The following TMC3 variants were observed in gnomAD, a reference collection of about 807,000 sequenced individuals.
TMC3 encodes transmembrane channel like 3.
Under a neutral mutation model 110.6 loss-of-function variants are expected in TMC3, and 98 were observed. That is an observed-to-expected ratio of 0.89 (90% CI 0.75 to 1.05). TMC3 has a LOEUF of 1.05. Among genes scored for constraint, TMC3 ranks in the 50% least tolerant of loss-of-function variants. The pLI, the probability that TMC3 is intolerant of heterozygous loss-of-function variation, is 0.00. For missense variants in TMC3, 1,319 were observed against 1,373.2 expected (o/e 0.96, Z 0.62); for synonymous variants, 489 against 513.1 (o/e 0.95, Z 0.63).
chr15:81,352,956 AT>A (rs199622682), intron 9 of TMC3, among the ~76,000 whole-genome samples: 23,881 of 151,984 alleles, frequency 0.16, 3,595 homozygotes, highest in African/African-American at 0.4. Flanking sequence ...AGTAGCTGGG[AT>A]TTACAGGCAT....
intron 2 of TMC3, among the ~76,000 whole-genome samples, chr15:81,371,619 A>G (rs528712624): frequency 1.4e-4 from 21 of 152,368 alleles, no homozygotes; most frequent in African/African-American, 5.0e-4. Context: ...CCCAGGCATC[A>G]GAATCACTAT....
intron 7 of TMC3, 110 bp from the exon 8 acceptor site, chr15:81,356,704 G>T (rs1020442896): frequency 6.4e-5 from 78 of 1,225,592 alleles, no homozygotes; most frequent in Middle Eastern, 4.8e-4. Flanking sequence ...CCTCTGGGTG[G>T]ACGCAGCTCC....
intron 3 of TMC3, 25 bp from the exon 4 acceptor site, chr15:81,362,326 A>T (rs1226527847): frequency 6.3e-7 from 1 of 1,594,208 alleles, no homozygotes; most frequent in Non-Finnish European, 8.6e-7. Flanking sequence ...TCAGGATTAG[A>T]GAGGTCACGT....
chr15:81,341,677 C>T, intron 15 of TMC3, 159 bp from the exon 16 acceptor site: 1 of 596,172 alleles, frequency 1.7e-6, no homozygotes, highest in East Asian at 3.1e-5. Context: ...CCACAACCCT[C>T]CACCTTCTAA....
intron 2 of TMC3, among the ~76,000 whole-genome samples, chr15:81,372,284 C>T (rs1894450251): frequency 6.6e-6 from 1 of 151,552 alleles, no homozygotes; most frequent in African/African-American, 2.4e-5. Flanking sequence ...TCTCCACCAA[C>T]ACACACACCC....
intron 11 of TMC3, among the ~76,000 whole-genome samples, chr15:81,349,076 C>A (rs1893886099): frequency 6.6e-6 from 1 of 152,152 alleles, no homozygotes; most frequent in African/African-American, 2.4e-5. Flanking sequence ...GGTGATCCAC[C>A]CGCCTCGGCC....
chr15:81,332,974 G>A lies in TMC3; in HGVS notation c.2748C>T (p.Asp916=), dbSNP rs1397656767. 1 of 1,612,764 alleles carries A rather than the reference G, an allele frequency of 6.2e-7. No individual in the cohort carries two copies. The highest frequency in any genetic ancestry group is 8.5e-7 in the Non-Finnish European group (1 of 1,179,322). ...ERHFKIDASG[D]IVELYPRNVR... ...CGTTCCTGGGGTACAGCTCCACAAT[G>A]TCACCTGAAGCATCTATCTTGAAAT... Residue 916 remains aspartate, a synonymous_variant, in exon 22 of 22, where the codon GAC becomes GAT. Coordinates refer to ENST00000359440, the MANE Select transcript of TMC3 (RefSeq NM_001080532.3).
chr15:81,332,898 T>G lies in TMC3; in HGVS notation c.2824A>C (p.Ser942Arg). The G allele has an allele frequency of 6.2e-7, 1 of 1,613,242 alleles. No homozygotes were observed. Among genetic ancestry groups the G allele is most frequent in the South Asian group, 1.1e-5 (1 of 91,074 alleles). Residue 942 changes from serine (S) to arginine (R), a missense_variant, in exon 22 of 22, where the codon AGT becomes CGT. Physicochemically the swap from Ser to Arg is moderately radical, Grantham distance 110. Transcript: ENST00000359440. ...CTTGGCGTCTCCTCCTCTTCTTCAC[T>G]CAGCTGTGGGGAGGGAGGCTGGCGG... Reference protein sequence around the residue: ...VPRQPPSPQLSEEEEETPSRD... With the variant: ...VPRQPPSPQLREEEEETPSRD...
chr15:81,336,662 A>G lies in TMC3; in HGVS notation c.2161-11T>C. The G allele has an allele frequency of 1.2e-6, 2 of 1,613,830 alleles. No homozygotes were observed. The highest frequency in any genetic ancestry group is 2.2e-5 in the South Asian group (2 of 91,078). ...ATCCTCTGATCTTGCCTAAAATGCA[A>G]ATGATATGCATGTTTGTTTTGGCTT... On this transcript the variant is annotated splice_polypyrimidine_tract_variant and intron_variant, in intron 19 of 21. Transcript: ENST00000359440.
chr15:81,344,329 C>T (rs1451536544), intron 13 of TMC3, among the ~76,000 whole-genome samples: 1 of 152,214 alleles, frequency 6.6e-6, no homozygotes, highest in Non-Finnish European at 1.5e-5. Context: ...TGGTTCTGAG[C>T]TGCAGGAGAC....
intron 2 of TMC3, among the ~76,000 whole-genome samples, chr15:81,369,725 A>G (rs1894393270): frequency 6.6e-6 from 1 of 151,874 alleles, no homozygotes; most frequent in African/African-American, 2.4e-5. Flanking sequence ...GGAGTTCAAG[A>G]CCATCCTGGG....
intron 16 of TMC3, among the ~76,000 whole-genome samples, chr15:81,339,725 C>T (rs374073539): frequency 3.3e-5 from 5 of 152,224 alleles, no homozygotes; most frequent in Non-Finnish European, 7.4e-5. Context: ...CCCACCCAAC[C>T]TGTTCATCTA....
chr15:81,363,331 G>A lies in TMC3; in HGVS notation c.313-1030C>T, dbSNP rs78456952. Reference sequence around the variant, plus strand: ...AAAACATTTCTCAAAAGCGAATAAAGCAAGATATGCCCTGACACTAGTTCT... The same window carrying A: ...AAAACATTTCTCAAAAGCGAATAAAACAAGATATGCCCTGACACTAGTTCT... On this transcript the variant is annotated intron_variant, in intron 3 of 21. Coordinates refer to ENST00000359440, the MANE Select transcript of TMC3 (RefSeq NM_001080532.3). Among the ~76,000 whole-genome samples, 700 of 152,216 alleles carry A rather than the reference G, an allele frequency of 4.6e-3. 5 individuals carry two copies. Among genetic ancestry groups the A allele is most frequent in the Non-Finnish European group, 8.1e-3 (549 of 68,008 alleles).
chr15:81,368,479 C>G (rs1053097093), intron 2 of TMC3, among the ~76,000 whole-genome samples, 151 bp from the exon 3 acceptor site: 6 of 151,844 alleles, frequency 4.0e-5, no homozygotes, highest in African/African-American at 1.5e-4. Context: ...TACACAAATA[C>G]TTCATGGTCT....
At position 81,332,958 on chromosome 15, in the gene TMC3, G is replaced by T; in HGVS notation, c.2764C>A (p.Pro922Thr). ...GATGCATATTGTCGCACGTTCCTGGGGTACAGCTCCACAATGTCACCTGAA... is the reference window on the plus strand; with the variant it reads ...GATGCATATTGTCGCACGTTCCTGGTGTACAGCTCCACAATGTCACCTGAA... ...DASGDIVELY[P>T]RNVRQYASRV... Residue 922 changes from proline (P) to threonine (T), a missense_variant, in exon 22 of 22, where the codon CCC (proline) becomes ACC (threonine). Coordinates refer to ENST00000359440, the MANE Select transcript of TMC3 (RefSeq NM_001080532.3). 1 of 1,612,636 alleles carries T rather than the reference G, an allele frequency of 6.2e-7. No individual in the cohort carries two copies. The highest frequency in any genetic ancestry group is 8.5e-7 in the Non-Finnish European group (1 of 1,179,264).
Position 81,333,364 on chromosome 15 carries a change from G to T in TMC3, c.2460-102C>A. ...GCAGTTCTCTGAGCATTTTCACTGAGGCTGGTTCCAACTGGTTAATGGGTA... is the reference window on the plus strand; with the variant it reads ...GCAGTTCTCTGAGCATTTTCACTGATGCTGGTTCCAACTGGTTAATGGGTA... On this transcript the variant is annotated intron_variant, in intron 21 of 21. Coordinates refer to ENST00000359440, the MANE Select transcript of TMC3 (RefSeq NM_001080532.3). 2.0e-6 allele frequency: 3 copies of T among 1,478,114 alleles called. No homozygotes were observed. In the Admixed American group the frequency reaches 7.0e-5, roughly 34 times the overall value. The allele number at this position is 1,478,114 out of a possible 1,614,324, so 91.6% of individuals were successfully genotyped here. A position where few individuals can be genotyped will look rare whatever the true frequency, so the allele number is the denominator to read the frequency against.
rs1893458313 is a variant in TMC3, at chr15:81,331,358, A to C, written c.*1061T>G. 1 of 152,284 alleles carries C rather than the reference A, an allele frequency of 6.6e-6. No individual in the cohort carries two copies. Among genetic ancestry groups the C allele is most frequent in the Non-Finnish European group, 1.5e-5 (1 of 68,080 alleles). The allele number at this position is 152,284 out of a possible 1,614,324, so 9.4% of individuals were successfully genotyped here. On this transcript the variant is annotated 3_prime_UTR_variant, in exon 22 of 22. Coordinates refer to ENST00000359440, the MANE Select transcript of TMC3 (RefSeq NM_001080532.3). ...TGCAGCTGCGCTAGGGTGGTGAAGCAGGAACTCGCTGAGCCTCAAGGAATG... is the reference window on the plus strand; with the variant it reads ...TGCAGCTGCGCTAGGGTGGTGAAGCCGGAACTCGCTGAGCCTCAAGGAATG...
intron 11 of TMC3, among the ~76,000 whole-genome samples, chr15:81,347,958 C>T (rs1893861316): frequency 6.6e-6 from 1 of 152,198 alleles, no homozygotes; most frequent in African/African-American, 2.4e-5. Context: ...CCATGCTCTT[C>T]CTAGTCATGT....
chr15:81,334,555 A>G (rs1228864929), intron 21 of TMC3, among the ~76,000 whole-genome samples, 165 bp downstream of exon 21: 1 of 152,184 alleles, frequency 6.6e-6, no homozygotes, highest in Non-Finnish European at 1.5e-5. Context: ...ATAAACTTTG[A>G]CACCCCCACC....
Sources: gnomAD v4.1 joint callset for allele counts (sites outside exome capture counted in the v4.1 genomes callset) on GRCh38, gnomAD v4.1.1 for gene constraint, MANE v1.5 for transcripts, NCBI Gene and HGNC (gene_info 2026-07-23, HGNC 2026-07-21) for gene names.